Variants in NADSYN1 observed in about 807,000 individuals in gnomAD.
NADSYN1 encodes glutamine-dependent NAD(+) synthetase.
Under a neutral mutation model 99.3 loss-of-function variants are expected in NADSYN1, and 80 were observed. The ratio of observed to expected loss-of-function variants is 0.81; its 90% confidence interval spans 0.67 to 0.97. The LOEUF (loss-of-function observed/expected upper bound fraction) is 0.97. NADSYN1 is among the 50% of genes least tolerant of loss of function. The pLI is 0.00. For missense variants in NADSYN1, 859 were observed against 948.5 expected (o/e 0.91, Z 1.24); for synonymous variants, 385 against 372.1 (o/e 1.03, Z -0.40).
Position 71,482,005 on chromosome 11 carries a change from G to A in NADSYN1, c.1130G>A (p.Cys377Tyr). The change falls in exon 13 of 21, where the codon TGC (cysteine) becomes TAC (tyrosine). Residue 377 changes from cysteine to tyrosine, a missense_variant. Physicochemically the swap from Cys to Tyr is radical, Grantham distance 194. Transcript: ENST00000319023. Reference protein sequence around the residue: ...CLIYSMCCQVCEAVRSGNEEV... With the variant: ...CLIYSMCCQVYEAVRSGNEEV... ...ATCTACTCCATGTGCTGCCAGGTCT[G>A]CGAGGCCGTGAGGAGTGGAAGTAGG... 2 of 1,611,830 alleles carry A rather than the reference G, an allele frequency of 1.2e-6. No homozygotes were observed. Among genetic ancestry groups the A allele is most frequent in the Non-Finnish European group, 1.7e-6 (2 of 1,179,006 alleles).
Position 71,461,697 on chromosome 11 carries a change from G to A in NADSYN1, c.264-1735G>A, listed in dbSNP as rs1949551783. Among the ~76,000 whole-genome samples, 3 of 152,102 alleles carry A rather than the reference G, an allele frequency of 2.0e-5. No homozygotes were observed. The South Asian group carries it at 6.2e-4, about 32-fold the overall frequency. Reference sequence around the variant, plus strand: ...CTGCCTCAGCCTCCCAAAGTGCTGGGATTACAGGCATGAGCCACAGCACCC... The same window carrying A: ...CTGCCTCAGCCTCCCAAAGTGCTGGAATTACAGGCATGAGCCACAGCACCC... On this transcript the variant is annotated intron_variant, in intron 3 of 20. Coordinates refer to ENST00000319023, the MANE Select transcript of NADSYN1 (RefSeq NM_018161.5).
rs1452809234 is a variant in NADSYN1 at position 71,453,399 on chromosome 11, GGGGCACCGGTTTGGGGTGGCGCAC to G, written c.85+27_85+50del. ...TTTAAAGAGTGAGTCTGGGGCGGCG[GGGGCACCGGTTTGGGGTGGCGCAC>G]GGGCACCGTGGCTGGGCCCAGGCTT... On this transcript the variant is annotated intron_variant, in intron 1 of 20. Transcript: ENST00000319023. 3 of 1,608,288 alleles carry G rather than the reference GGGGCACCGGTTTGGGGTGGCGCAC, an allele frequency of 1.9e-6. No homozygotes were observed. The African/African-American group carries it at 4.0e-5, about 22-fold the overall frequency.
chr11:71,498,595 C>T, intron 20 of NADSYN1, 67 bp downstream of exon 20: 3 of 1,555,154 alleles, frequency 1.9e-6, no homozygotes, highest in Non-Finnish European at 2.6e-6. Flanking sequence ...AGGTTATTTC[C>T]ATGAAGGATT....
chr11:71,489,646 G>A (rs567365344), intron 16 of NADSYN1, among the ~76,000 whole-genome samples: 1 of 152,262 alleles, frequency 6.6e-6, no homozygotes, highest in Non-Finnish European at 1.5e-5. Flanking sequence ...GACAGGGAGC[G>A]ATGGGGTGAC....
intron 5 of NADSYN1, chr11:71,464,431 A>G: frequency 3.3e-6 from 1 of 305,830 alleles, no homozygotes; most frequent in South Asian, 5.2e-5. Context: ...GAGGCTTCCC[A>G]TCGGTTACTT....
intron 5 of NADSYN1, chr11:71,464,387 G>A (rs1336400840): frequency 2.3e-6 from 1 of 443,916 alleles, no homozygotes; most frequent in Non-Finnish European, 4.1e-6. Flanking sequence ...TCAGGGCGCG[G>A]TTACACAATG....
At chr11:71,476,869 C>T in intron 9 of NADSYN1, 1 of 986,992 alleles carries the variant, frequency 1.0e-6, no homozygotes, top group Non-Finnish European at 1.2e-6. Flanking sequence ...TTAGTGAGCA[C>T]CAGGCAGTTG....
chr11:71,463,992 C>T, intron 4 of NADSYN1, 61 bp from the exon 5 acceptor site: 3 of 1,392,938 alleles, frequency 2.2e-6, no homozygotes, highest in Non-Finnish European at 3.0e-6. Context: ...GCACTGACCA[C>T]CGCCAGTGGC....
At chr11:71,495,838 T>C (rs1341527621) in intron 18 of NADSYN1, among the ~76,000 whole-genome samples, 1 of 152,202 alleles carries the variant, frequency 6.6e-6, no homozygotes, top group East Asian at 1.9e-4. Flanking sequence ...CTGGCCATAC[T>C]GTCTGATGAT....
At chr11:71,469,946 A>G (rs12224205) in intron 5 of NADSYN1, among the ~76,000 whole-genome samples, 35,189 of 131,280 alleles carry the variant, frequency 0.27, 5,521 homozygotes, top group South Asian at 0.42. Context: ...AAAAAAAAAG[A>G]CGTGTGTTAG....
rs143959747 is a variant in NADSYN1, at chr11:71,458,460, C to T, written c.179C>T (p.Ser60Leu). 1.7e-5 allele frequency: 27 copies of T among 1,613,828 alleles called. No homozygotes were observed. The highest frequency in any genetic ancestry group is 2.2e-5 in the East Asian group (1 of 44,890). Residue 60 changes from serine to leucine, a missense_variant, in exon 3 of 21, where the codon TCG becomes TTG. Physicochemically the swap from Ser to Leu is moderately radical, Grantham distance 145. Transcript: ENST00000319023. ...GYGCWDHYYESDTLLHSFQVL... is the reference protein window; with the variant it reads ...GYGCWDHYYELDTLLHSFQVL... ...GGATGTTGGGATCATTATTACGAGTCGGACACCCTCTTGCACTCGTTTCAA... is the reference window on the plus strand; with the variant it reads ...GGATGTTGGGATCATTATTACGAGTTGGACACCCTCTTGCACTCGTTTCAA...
Position 71,478,442 on chromosome 11 carries a change from G to T in NADSYN1, c.846G>T (p.Arg282Ser). Residue 282 changes from arginine to serine, a missense_variant, in exon 10 of 21, where the codon AGG (arginine) becomes AGT (serine). Coordinates refer to ENST00000319023, the MANE Select transcript of NADSYN1 (RefSeq NM_018161.5). Reference sequence around the variant, plus strand: ...ATCTGGAGGACGTCCGGAGCTACAGGGCGGAGATTTCATCTCGAAACCTGG... The same window carrying T: ...ATCTGGAGGACGTCCGGAGCTACAGTGCGGAGATTTCATCTCGAAACCTGG... ...TLDLEDVRSY[R>S]AEISSRNLAA... 1.2e-6 allele frequency: 2 copies of T among 1,609,106 alleles called. No homozygotes were observed. The highest frequency in any genetic ancestry group is 1.3e-5 in the African/African-American group (1 of 74,996).
At chr11:71,477,365 C>T (rs1306669058) in intron 9 of NADSYN1, 30 of 1,289,612 alleles carry the variant, frequency 2.3e-5, no homozygotes, top group Non-Finnish European at 2.9e-5. Flanking sequence ...AGGGTGCTGT[C>T]ACTTTGGGAA....
intron 14 of NADSYN1, 151 bp from the exon 15 acceptor site, chr11:71,484,161 C>T (rs146840134): frequency 1.4e-5 from 16 of 1,153,266 alleles, no homozygotes; most frequent in African/African-American, 1.2e-4. Flanking sequence ...GTGATGGCTG[C>T]GCAGCACTGT....
At chr11:71,464,395 A>G (rs753519437) in intron 5 of NADSYN1, 7 of 421,554 alleles carry the variant, frequency 1.7e-5, no homozygotes, top group Non-Finnish European at 3.1e-5. Flanking sequence ...CGGTTACACA[A>G]TGTCCCGGGG....
intron 19 of NADSYN1, among the ~76,000 whole-genome samples, chr11:71,497,926 GAAGCCCAC>G (rs1949830940): frequency 6.6e-6 from 1 of 152,352 alleles, no homozygotes; most frequent in South Asian, 2.1e-4. Context: ...TGCTGGGGCT[GAAGCCCAC>G]AAGCATTGTA....
At chr11:71,478,644 A>T (rs553002290) in intron 10 of NADSYN1, 175 bp downstream of exon 10, 1 of 612,644 alleles carries the variant, frequency 1.6e-6, no homozygotes, top group Non-Finnish European at 2.9e-6. Context: ...ACCTGCTTCC[A>T]TCTGTTCCCC....
At chr11:71,462,832 C>G (rs1949559062) in intron 3 of NADSYN1, among the ~76,000 whole-genome samples, 1 of 152,162 alleles carries the variant, frequency 6.6e-6, no homozygotes, top group South Asian at 2.1e-4. Context: ...CCTTGTGCTG[C>G]CCTGATCTGG....
chr11:71,480,045 C>T (rs937630395), intron 10 of NADSYN1: 16 of 152,420 alleles, frequency 1.0e-4, no homozygotes, highest in African/African-American at 3.8e-4. Context: ...AATTCTGCTA[C>T]AAACATACAT....
Sources: gnomAD v4.1 joint callset for allele counts (sites outside exome capture counted in the v4.1 genomes callset) on GRCh38, gnomAD v4.1.1 for gene constraint, MANE v1.5 for transcripts, NCBI Gene and HGNC (gene_info 2026-07-23, HGNC 2026-07-21) for gene names.